CCDC175: variants seen among roughly 807,000 people sequenced by gnomAD.
CCDC175 encodes the protein coiled-coil domain containing 175, also known as coiled-coil domain-containing protein 175.
Under a neutral mutation model 114.6 loss-of-function variants are expected in CCDC175, and 100 were observed. That is an observed-to-expected ratio of 0.87 (90% CI 0.74 to 1.03). The LOEUF (loss-of-function observed/expected upper bound fraction) is 1.03, where lower values mean the gene tolerates loss of function less well. CCDC175 is among the 50% of genes least tolerant of loss of function. The pLI, the probability that CCDC175 is intolerant of heterozygous loss-of-function variation, is 0.00. For synonymous variants in CCDC175, 306 were observed against 308.7 expected, an observed-to-expected ratio of 0.99 and a Z score of 0.09; for missense variants, 880 against 917.8, an observed-to-expected ratio of 0.96 and a Z score of 0.53.
At chr14:59,529,512 C>T (rs1006746435) in intron 14 of CCDC175, among the ~76,000 whole-genome samples, 1 of 152,158 alleles carries the variant, frequency 6.6e-6, no homozygotes, top group African/African-American at 2.4e-5. Flanking sequence ...GATGCCACTG[C>T]CTATGACTTT....
chr14:59,523,276 T>G (rs2139986333), intron 16 of CCDC175, among the ~76,000 whole-genome samples: 1 of 152,342 alleles, frequency 6.6e-6, no homozygotes, highest in South Asian at 2.1e-4. Context: ...ATCTAGGCTC[T>G]TTGGAGCACA....
In CCDC175 at chr14:59,565,276, C is replaced by G. The variant is rs1276690573; in HGVS notation, c.492-1G>C. On this transcript the variant is annotated splice_acceptor_variant, in intron 4 of 19. Coordinates refer to ENST00000537690, the MANE Select transcript of CCDC175 (RefSeq NM_001164399.2). LOFTEE classifies it high-confidence loss of function. ...CCTTGCTAGCTCTTCCTGCTTCTCC[C>G]TGGGAGGAAAGAATTGCTCACAGAG... The G allele has an allele frequency of 6.5e-7, 1 of 1,535,346 alleles. No homozygotes were observed. The highest frequency in any genetic ancestry group is 8.7e-7 in the Non-Finnish European group (1 of 1,146,094).
intron 1 of CCDC175, among the ~76,000 whole-genome samples, chr14:59,576,094 A>G (rs1434471154): frequency 6.6e-6 from 1 of 152,158 alleles, no homozygotes; most frequent in Non-Finnish European, 1.5e-5. Context: ...ACTGAAAAAT[A>G]CTTTAACCTG....
intron 14 of CCDC175, among the ~76,000 whole-genome samples, chr14:59,528,481 T>C (rs1893874761): frequency 6.6e-6 from 1 of 152,166 alleles, no homozygotes; most frequent in South Asian, 2.1e-4. Context: ...TTTATCATTG[T>C]CAGGCAGTTT....
At chr14:59,516,689 C>T (rs907334278) in intron 17 of CCDC175, among the ~76,000 whole-genome samples, 1 of 152,096 alleles carries the variant, frequency 6.6e-6, no homozygotes, top group Non-Finnish European at 1.5e-5. Context: ...AGCTTACCAA[C>T]CAAAAAAAGT....
intron 19 of CCDC175, among the ~76,000 whole-genome samples, chr14:59,509,996 C>A (rs1258962503): frequency 6.6e-6 from 1 of 152,160 alleles, no homozygotes; most frequent in Non-Finnish European, 1.5e-5. Flanking sequence ...TCCCAAGCTC[C>A]CTCTACCCCC....
At chr14:59,571,439 A>T (rs1298924528) in intron 3 of CCDC175, among the ~76,000 whole-genome samples, 1 of 152,358 alleles carries the variant, frequency 6.6e-6, no homozygotes, top group Non-Finnish European at 1.5e-5. Context: ...CCTGATTAAA[A>T]GATGGATAAA....
intron 14 of CCDC175, among the ~76,000 whole-genome samples, chr14:59,531,156 T>A (rs1894049381): frequency 2.0e-5 from 3 of 152,158 alleles, no homozygotes; most frequent in African/African-American, 7.2e-5. Context: ...TATATAAACT[T>A]TGGACCTTGG....
chr14:59,540,850 T>C, intron 10 of CCDC175, 104 bp from the exon 11 acceptor site: 2 of 964,656 alleles, frequency 2.1e-6, no homozygotes, highest in Non-Finnish European at 3.0e-6. Flanking sequence ...ATAGTCTAAT[T>C]GGGAGACAAA....
chr14:59,559,328 A>G (rs1436107802), intron 7 of CCDC175, among the ~76,000 whole-genome samples: 1 of 152,192 alleles, frequency 6.6e-6, no homozygotes. Flanking sequence ...ATCAATGATA[A>G]GAAAGAACAA....
chr14:59,512,582 AT>A (rs1397357831), intron 17 of CCDC175, among the ~76,000 whole-genome samples: 1 of 152,120 alleles, frequency 6.6e-6, no homozygotes, highest in Admixed American at 6.6e-5. Flanking sequence ...AACCATAACA[AT>A]TTTTGAGTCC....
intron 17 of CCDC175, among the ~76,000 whole-genome samples, chr14:59,513,827 C>T (rs1405547785): frequency 6.6e-6 from 1 of 152,180 alleles, no homozygotes; most frequent in East Asian, 1.9e-4. Flanking sequence ...AGAGGTTCTC[C>T]TAGCACGCAG....
In CCDC175 at chr14:59,538,648, G is replaced by A. The variant is rs921395753; in HGVS notation, c.1491+57C>T. On this transcript the variant is annotated intron_variant, in intron 12 of 19. Transcript: ENST00000537690. ...GATAGGATTTAATTAAATATTAAAGGAGAATTGCTGATATGCAATGTAGGG... is the reference window on the plus strand; with the variant it reads ...GATAGGATTTAATTAAATATTAAAGAAGAATTGCTGATATGCAATGTAGGG... 7.7e-6 allele frequency: 10 copies of A among 1,298,812 alleles called. No individual in the cohort carries two copies. The African/African-American group carries it at 1.4e-4, about 18-fold the overall frequency. 80.5% of individuals were successfully genotyped at this position (1,298,812 alleles called of 1,614,324 possible). A position where few individuals can be genotyped will look rare whatever the true frequency, so the allele number is the denominator to read the frequency against.
At chr14:59,523,401 G>A (rs1893536262) in intron 16 of CCDC175, among the ~76,000 whole-genome samples, 2 of 152,128 alleles carry the variant, frequency 1.3e-5, no homozygotes, top group Non-Finnish European at 2.9e-5. Flanking sequence ...TACCCAGCGA[G>A]GTGAAGGATT....
intron 17 of CCDC175, among the ~76,000 whole-genome samples, chr14:59,516,344 T>A (rs1470483543): frequency 2.0e-5 from 3 of 151,772 alleles, no homozygotes; most frequent in Non-Finnish European, 4.4e-5. Flanking sequence ...AAATAGAGAC[T>A]CAAAAAAACC....
intron 2 of CCDC175, among the ~76,000 whole-genome samples, chr14:59,573,935 A>T (rs1197353647): frequency 6.6e-6 from 1 of 152,124 alleles, no homozygotes; most frequent in Non-Finnish European, 1.5e-5. Flanking sequence ...TGTTTAAGAG[A>T]TTTCACGGCT....
chr14:59,544,519 AT>A (rs1894986572), intron 9 of CCDC175, among the ~76,000 whole-genome samples: 1 of 152,142 alleles, frequency 6.6e-6, no homozygotes, highest in Admixed American at 6.5e-5. Context: ...TGTGGACTGA[AT>A]TGTGCCTCCC....
chr14:59,567,803 A>G (rs1459836281), intron 4 of CCDC175, among the ~76,000 whole-genome samples: 1 of 152,204 alleles, frequency 6.6e-6, no homozygotes, highest in Non-Finnish European at 1.5e-5. Flanking sequence ...AATATCTTCA[A>G]TGAACTGAAC....
At chr14:59,514,993 G>A (rs1338480297) in intron 17 of CCDC175, among the ~76,000 whole-genome samples, 3 of 152,222 alleles carry the variant, frequency 2.0e-5, no homozygotes, top group Non-Finnish European at 2.9e-5. Context: ...CAAGCCAGAA[G>A]AGAGTGGGGG....
Sources: allele counts gnomAD v4.1 joint callset (sites outside exome capture counted in the v4.1 genomes callset), GRCh38; gene constraint gnomAD v4.1.1; transcripts MANE v1.5; gene names NCBI Gene and HGNC (gene_info 2026-07-23, HGNC 2026-07-21).